SMARCC2: variants seen among roughly 807,000 people sequenced by gnomAD.
SMARCC2 encodes the protein SWI/SNF complex subunit SMARCC2.
A neutral mutation model predicts 151.3 loss-of-function variants in SMARCC2; 15 were observed. The observed-to-expected ratio is 0.10, with a 90% confidence interval of 0.07 to 0.15. The LOEUF (loss-of-function observed/expected upper bound fraction) is 0.15, where lower values mean the gene tolerates loss of function less well. SMARCC2 is among the 10% of genes least tolerant of loss of function. The pLI is 1.00. For synonymous variants in SMARCC2, 590 were observed against 609.5 expected, an observed-to-expected ratio of 0.97 and a Z score of 0.47; for missense variants, 1,031 against 1,599.7, an observed-to-expected ratio of 0.64 and a Z score of 6.06.
intron 1 of SMARCC2, among the ~76,000 whole-genome samples, chr12:56,188,529 G>A (rs903036828): frequency 6.6e-6 from 1 of 152,192 alleles, no homozygotes; most frequent in African/African-American, 2.4e-5. Context: ...GACGACACCA[G>A]GAAGAGGTTT....
At chr12:56,183,702 A>G (rs1876694411) in intron 7 of SMARCC2, 159 bp downstream of exon 7, 3 of 551,762 alleles carry the variant, frequency 5.4e-6, no homozygotes, top group Non-Finnish European at 6.6e-6. Flanking sequence ...ACTAAGTCCA[A>G]ACCTCCCCCA....
intron 25 of SMARCC2, 151 bp downstream of exon 25, chr12:56,169,378 G>T: frequency 4.1e-6 from 4 of 964,416 alleles, no homozygotes; most frequent in Non-Finnish European, 4.7e-6. Flanking sequence ...TTAGAGAAGG[G>T]ATGACTAACT....
Position 56,169,795 on chromosome 12 carries a change from C to A in SMARCC2, c.2529G>T (p.Lys843Asn). The change falls in exon 24 of 29, where the codon AAG (lysine) becomes AAT (asparagine). Residue 843 changes from lysine (K) to asparagine (N), a missense_variant. Lys to Asn is a moderately conservative substitution (Grantham distance 94). Around this residue, in one of 12 missense-constraint regions of SMARCC2, gnomAD observed 119 missense variants for 184.2 expected, o/e 0.65. Transcript: ENST00000550164. The part of the protein sequence containing the change: ...KEGDSEKESE[K>N]SDGDPIVDPE... ...GCTCACCTATTGGGTCTCCATCACT[C>A]TTCTCGGACTCCTTCTCACTGTCGC... 1 of 1,614,172 alleles carries A rather than the reference C, an allele frequency of 6.2e-7. No homozygotes were observed. The highest frequency in any genetic ancestry group is 8.5e-7 in the Non-Finnish European group (1 of 1,180,032).
Position 56,164,433 on chromosome 12 carries a change from G to T in SMARCC2, c.3531C>A (p.Asn1177Lys), listed in dbSNP as rs746954679. ...ATGGCATGGTGGTGGTCGCCGGCAG[G>T]TTAGGATGTAGAGGGTTCGCCATGG... ...PVSMANPLHP[N>K]LPATTTMPSS... The change falls in exon 28 of 29, where the codon AAC (asparagine) becomes AAA (lysine). Residue 1177 changes from asparagine to lysine, a missense_variant. By Grantham distance (94) the Asn-to-Lys change is moderately conservative. This residue lies in a region of SMARCC2 where 310 missense variants were observed against 350.0 expected (regional missense o/e 0.89). Coordinates refer to ENST00000550164, the MANE Select transcript of SMARCC2 (RefSeq NM_001330288.2). 6.2e-7 allele frequency: 1 copy of T among 1,614,064 alleles called. No individual in the cohort carries two copies. The highest frequency in any genetic ancestry group is 8.5e-7 in the Non-Finnish European group (1 of 1,180,032).
rs143248977 is a variant in SMARCC2 at position 56,167,935 on chromosome 12, ATCTC to A, written c.2850+121_2850+124del. 2,671 of 1,068,188 alleles carry A rather than the reference ATCTC, an allele frequency of 2.5e-3. 17 individuals are homozygous for A. The highest frequency in any genetic ancestry group is 3.4e-3 in the East Asian group (133 of 39,178). 66.2% of individuals were successfully genotyped at this position (1,068,188 alleles called of 1,614,324 possible). ...ACTCAGGCTTTCCCCACTGTTGCTT[ATCTC>A]TCTTTCACTGAAACACACACACACA... is the stretch of plus-strand genomic sequence containing the variant. On this transcript the variant is annotated intron_variant, in intron 26 of 28. Coordinates refer to ENST00000550164, the MANE Select transcript of SMARCC2 (RefSeq NM_001330288.2).
At chr12:56,172,302 G>A (rs1839023741) in intron 20 of SMARCC2, 126 bp downstream of exon 20, 6 of 827,866 alleles carry the variant, frequency 7.2e-6, no homozygotes, top group African/African-American at 3.4e-5. Context: ...GGTTCATCTC[G>A]AACTCCTGGA....
In SMARCC2 at chr12:56,185,542, G is replaced by T. The variant is rs553517011; in HGVS notation, c.318-431C>A. 7.1e-5 allele frequency: 13 copies of T among 183,242 alleles called. No homozygotes were observed. In the South Asian group the frequency reaches 1.3e-3, roughly 19 times the overall value. 11.4% of individuals were successfully genotyped at this position (183,242 alleles called of 1,614,324 possible). On this transcript the variant is annotated intron_variant, in intron 3 of 28. Coordinates refer to ENST00000550164, the MANE Select transcript of SMARCC2 (RefSeq NM_001330288.2). ...TGCCCAGGCTGGAGTGCACTGGCGC[G>T]ATCTTGGCCAGCTGCAACCTCTGCC... is the stretch of plus-strand genomic sequence containing the variant.
chr12:56,166,664 A>G (rs1872825522), intron 26 of SMARCC2, among the ~76,000 whole-genome samples: 1 of 150,636 alleles, frequency 6.6e-6, no homozygotes, highest in South Asian at 2.1e-4. Flanking sequence ...AACATGGCTC[A>G]GTGCAGCCTT....
Position 56,172,641 on chromosome 12 carries a change from T to A in SMARCC2, c.1807A>T (p.Met603Leu). 1.9e-6 allele frequency: 3 copies of A among 1,614,216 alleles called. No homozygotes were observed. The highest frequency in any genetic ancestry group is 2.5e-6 in the Non-Finnish European group (3 of 1,180,030). Residue 603 changes from methionine (M) to leucine (L), a missense_variant, in exon 19 of 29, where the codon ATG becomes TTG. By Grantham distance (15) the Met-to-Leu change is conservative (BLOSUM62 2). Transcript: ENST00000550164. ...TCTGTGCGCAGCCCAAAGTTTTGCA[T>A]GTCTGTTGGTTTCTCTTTGCCTTTG... is the stretch of plus-strand genomic sequence containing the variant. ...PDKGKEKPTD[M>L]QNFGLRTDMY...
chr12:56,183,220 T>A (rs903636965), intron 7 of SMARCC2: 2 of 152,660 alleles, frequency 1.3e-5, no homozygotes, highest in Non-Finnish European at 2.9e-5. Context: ...AGTGGTGTGA[T>A]CTTGGCTCAC....
intron 25 of SMARCC2, 25 bp downstream of exon 25, chr12:56,169,504 T>C (rs750913182): frequency 1.9e-6 from 3 of 1,611,118 alleles, no homozygotes; most frequent in Non-Finnish European, 1.7e-6. Context: ...TTTTCTTCCC[T>C]GAGGTCTTCA....
At chr12:56,164,875 G>A (rs1872499891) in intron 27 of SMARCC2, 144 bp from the exon 28 acceptor site, 8 of 701,070 alleles carry the variant, frequency 1.1e-5, no homozygotes, top group African/African-American at 3.6e-5. Flanking sequence ...TGCAACCTCC[G>A]CCTCCCGGGT....
At position 56,171,479 on chromosome 12, in the gene SMARCC2, G is replaced by C. The variant is rs749204817; in HGVS notation, c.2186-47C>G. On this transcript the variant is annotated intron_variant, in intron 21 of 28. Coordinates refer to ENST00000550164, the MANE Select transcript of SMARCC2 (RefSeq NM_001330288.2). This position sits in a 1 kb window ranked among gnomAD's most constrained non-coding sequence, Gnocchi z 4.2. ...AGGCTGGGAGCGGCACAGTGGAACA[G>C]TTCTGGCAATCCCTGCAAAAGCTTA... is the stretch of plus-strand genomic sequence containing the variant. The C allele has an allele frequency of 8.1e-6, 13 of 1,610,184 alleles. No individual in the cohort carries two copies. Among genetic ancestry groups the C allele is most frequent in the Non-Finnish European group, 1.1e-5 (13 of 1,176,674 alleles).
Position 56,165,463 on chromosome 12 carries a change from A to G in SMARCC2, c.3087T>C (p.Ala1029=), listed in dbSNP as rs769854647. The change falls in exon 27 of 29, where the codon GCT becomes GCC. Residue 1029 remains alanine (A), a synonymous_variant. Coordinates refer to ENST00000550164, the MANE Select transcript of SMARCC2 (RefSeq NM_001330288.2). ...AACTTCCTGGAGGGGCCCCACTGCC[A>G]GCAGGAGCAGGGACTACAGAGGCTG... ...VAPASVVPAP[A]GSGAPPGSLG... 13 of 1,541,384 alleles carry G rather than the reference A, an allele frequency of 8.4e-6. No homozygotes were observed. The highest frequency in any genetic ancestry group is 6.0e-5 in the Admixed American group (3 of 49,856).
chr12:56,175,594 G>A (rs1874788824), intron 15 of SMARCC2, among the ~76,000 whole-genome samples: 1 of 151,898 alleles, frequency 6.6e-6, no homozygotes, highest in East Asian at 1.9e-4. Context: ...CATTGTAGGG[G>A]CTCAAAAAAA....
At position 56,165,503 on chromosome 12, in the gene SMARCC2, C is replaced by G. The variant is rs765955906; in HGVS notation, c.3047G>C (p.Gly1016Ala). The G allele has an allele frequency of 8.2e-6, 13 of 1,592,708 alleles. No homozygotes were observed. The South Asian group carries it at 1.5e-4, about 18-fold the overall frequency. ...TGAAGPPAVHGLAVAPASVVP... is the reference protein window; with the variant it reads ...TGAAGPPAVHALAVAPASVVP... Reference sequence around the variant, plus strand: ...TACAGAGGCTGGAGCCACAGCCAAGCCATGGACTGCGGGTGGCCCAGCAGC... The same window carrying G: ...TACAGAGGCTGGAGCCACAGCCAAGGCATGGACTGCGGGTGGCCCAGCAGC... The change falls in exon 27 of 29, where the codon GGC becomes GCC. Residue 1016 changes from glycine (G) to alanine (A), a missense_variant. Physicochemically the swap from Gly to Ala is moderately conservative, Grantham distance 60. Transcript: ENST00000550164.
chr12:56,177,752 C>T (rs1303018200), intron 15 of SMARCC2, among the ~76,000 whole-genome samples: 1 of 152,184 alleles, frequency 6.6e-6, no homozygotes, highest in Non-Finnish European at 1.5e-5. Flanking sequence ...GCTCTATACC[C>T]TGTTAAAAAG....
In SMARCC2 at chr12:56,179,016, G is replaced by A. The variant is rs140754242; in HGVS notation, c.1122C>T (p.Gly374=). The A allele has an allele frequency of 4.3e-6, 7 of 1,614,074 alleles. No homozygotes were observed. The highest frequency in any genetic ancestry group is 1.3e-5 in the African/African-American group (1 of 75,036). Reference sequence around the variant, plus strand: ...TCTTACCCAGGTCGGTCATGGTGCCGCCTTTGACTGGGGCCGACTCTGAGT... The same window carrying A: ...TCTTACCCAGGTCGGTCATGGTGCCACCTTTGACTGGGGCCGACTCTGAGT... ...KKDSESAPVK[G]GTMTDLDEQE... is the part of the protein sequence containing the mutation. Residue 374 remains glycine, a synonymous_variant, in exon 12 of 29, where the codon GGC becomes GGT. Coordinates refer to ENST00000550164, the MANE Select transcript of SMARCC2 (RefSeq NM_001330288.2).
At position 56,163,663 on chromosome 12, in the gene SMARCC2, AG is replaced by A; in HGVS notation, c.*25del. ...GGAACCGTGATGTCCACAGGGGGTG[AG>A]GGGGAGAGATGTCTGGCTGGCTCCT... On this transcript the variant is annotated 3_prime_UTR_variant, in exon 29 of 29. Coordinates refer to ENST00000550164, the MANE Select transcript of SMARCC2 (RefSeq NM_001330288.2). 2 of 1,393,558 alleles carry A rather than the reference AG, an allele frequency of 1.4e-6. No homozygotes were observed. Among genetic ancestry groups the A allele is most frequent in the Non-Finnish European group, 1.9e-6 (2 of 1,042,788 alleles). The allele number at this position is 1,393,558 out of a possible 1,614,324, so 86.3% of individuals were successfully genotyped here. A position where few individuals can be genotyped will look rare whatever the true frequency, so the allele number is the denominator to read the frequency against.
Sources: allele counts gnomAD v4.1 joint callset (sites outside exome capture counted in the v4.1 genomes callset), GRCh38; gene constraint gnomAD v4.1.1; regional missense constraint gnomAD v4.1.1; non-coding constraint Gnocchi (gnomAD v3.1); transcripts MANE v1.5; gene names NCBI Gene and HGNC (gene_info 2026-07-23, HGNC 2026-07-21).